The following ELP2 variants were observed in gnomAD, a reference collection of about 807,000 sequenced individuals.
The protein encoded by ELP2 is elongator complex protein 2.
A neutral mutation model predicts 119.2 loss-of-function variants in ELP2; 90 were observed. The ratio of observed to expected loss-of-function variants is 0.75; its 90% confidence interval spans 0.64 to 0.90. ELP2 has a LOEUF of 0.90. Ranked by LOEUF, ELP2 falls within the 40% of genes least tolerant of loss-of-function variation. The pLI is 0.00. For missense variants in ELP2, 921 were observed against 967.8 expected (o/e 0.95, Z 0.64); for synonymous variants, 339 against 331.0 (o/e 1.02, Z -0.26).
At chr18:36,150,987 G>A (rs1331672541) in intron 11 of ELP2, among the ~76,000 whole-genome samples, 1 of 151,748 alleles carries the variant, frequency 6.6e-6, no homozygotes, top group Non-Finnish European at 1.5e-5. Flanking sequence ...GCCAAGGGTT[G>A]AGCCAAAGGA....
At position 36,159,956 on chromosome 18, in the gene ELP2, A is replaced by T; in HGVS notation, c.1631-2A>T. ...GAAAAAAATAGCTTCAATTTATTCT[A>T]GAGCCTCCCACTGAGGATCATCTTC... On this transcript the variant is annotated splice_acceptor_variant, in intron 15 of 21. Transcript: ENST00000358232. LOFTEE classifies it high-confidence loss of function. 1 of 1,614,086 alleles carries T rather than the reference A, an allele frequency of 6.2e-7. No homozygotes were observed. Among genetic ancestry groups the T allele is most frequent in the South Asian group, 1.1e-5 (1 of 91,082 alleles).
chr18:36,142,998 A>G, intron 8 of ELP2, 32 bp downstream of exon 8: 1 of 1,500,302 alleles, frequency 6.7e-7, no homozygotes, highest in Non-Finnish European at 9.2e-7. Context: ...CAATATAACG[A>G]TACTTAGGTC....
intron 18 of ELP2, chr18:36,166,820 T>G (rs1332233060): frequency 4.2e-6 from 1 of 235,610 alleles, no homozygotes; most frequent in East Asian, 8.4e-5. Context: ...AGGCTTCTTC[T>G]GTAGGCGTGA....
At position 36,141,143 on chromosome 18, in the gene ELP2, T is replaced by C. The variant is rs770489833; in HGVS notation, c.530T>C (p.Ile177Thr). Reference sequence around the variant, plus strand: ...CTGTTTTTTCTTCCCCCAGTACCAATATTAGCATGTGGCAATGATGATTGC... The same window carrying C: ...CTGTTTTTTCTTCCCCCAGTACCAACATTAGCATGTGGCAATGATGATTGC... ...LSFLPNTDVPILACGNDDCRI... is the reference protein window; with the variant it reads ...LSFLPNTDVPTLACGNDDCRI... The change falls in exon 6 of 22, where the codon ATA (isoleucine) becomes ACA (threonine). Residue 177 changes from isoleucine to threonine, a missense_variant. Ile to Thr is a moderately conservative substitution (Grantham distance 89). Coordinates refer to ENST00000358232, the MANE Select transcript of ELP2 (RefSeq NM_018255.4). The C allele has an allele frequency of 3.1e-6, 5 of 1,613,672 alleles. No homozygotes were observed. The highest frequency in any genetic ancestry group is 4.2e-6 in the Non-Finnish European group (5 of 1,179,642).
chr18:36,144,155 C>T (rs1445406590), intron 8 of ELP2, among the ~76,000 whole-genome samples: 1 of 151,898 alleles, frequency 6.6e-6, no homozygotes, highest in East Asian at 1.9e-4. Context: ...ATTTTGGTAA[C>T]AGTTTTATGG....
chr18:36,156,438 T>A, intron 12 of ELP2, 28 bp from the exon 13 acceptor site: 2 of 1,610,444 alleles, frequency 1.2e-6, no homozygotes, highest in Non-Finnish European at 1.7e-6. Context: ...TTTTGAATGA[T>A]CATTTTTGTT....
intron 17 of ELP2, among the ~76,000 whole-genome samples, chr18:36,163,823 A>G (rs1392321966): frequency 1.3e-5 from 2 of 152,184 alleles, no homozygotes; most frequent in East Asian, 3.8e-4. Context: ...TGCCAGTACC[A>G]TACTCTGTTA....
In ELP2 at chr18:36,142,261, A is replaced by G. The variant is rs774294299; in HGVS notation, c.589-20A>G. On this transcript the variant is annotated intron_variant, in intron 6 of 21. Transcript: ENST00000358232. Reference sequence around the variant, plus strand: ...GATGTTAAATTCTTACATCAAGCCCAATGATTTTTATCTTACTAGTTTCAG... The same window carrying G: ...GATGTTAAATTCTTACATCAAGCCCGATGATTTTTATCTTACTAGTTTCAG... 4 of 1,607,916 alleles carry G rather than the reference A, an allele frequency of 2.5e-6. No individual in the cohort carries two copies. In the South Asian group the frequency reaches 3.3e-5, roughly 13 times the overall value.
At chr18:36,156,315 T>A in intron 12 of ELP2, 151 bp from the exon 13 acceptor site, 1 of 769,050 alleles carries the variant, frequency 1.3e-6, no homozygotes, top group Non-Finnish European at 2.2e-6. Flanking sequence ...TGGTAATTTT[T>A]ACCAATACTG....
At chr18:36,162,353 T>A (rs1016459742) in intron 17 of ELP2, among the ~76,000 whole-genome samples, 4 of 152,206 alleles carry the variant, frequency 2.6e-5, no homozygotes, top group Non-Finnish European at 5.9e-5. Context: ...CTTTCTTTCA[T>A]CATAATTGTT....
In ELP2 at chr18:36,136,271, G is replaced by A. The variant is rs201181836; in HGVS notation, c.218-36G>A. 1.2e-4 allele frequency: 181 copies of A among 1,509,284 alleles called. No homozygotes were observed. The African/African-American group carries it at 2.1e-3, about 17-fold the overall frequency. 93.5% of individuals were successfully genotyped at this position (1,509,284 alleles called of 1,614,324 possible). On this transcript the variant is annotated intron_variant, in intron 2 of 21. Coordinates refer to ENST00000358232, the MANE Select transcript of ELP2 (RefSeq NM_018255.4). ...AATTTTTAAAAATTGCAGAAAAAAT[G>A]AATAAAGATATTTACTGAGATATAA... is the stretch of plus-strand genomic sequence containing the variant.
intron 5 of ELP2, 74 bp from the exon 6 acceptor site, chr18:36,141,063 A>T: frequency 8.3e-7 from 1 of 1,212,028 alleles, no homozygotes; most frequent in East Asian, 2.3e-5. Flanking sequence ...AGAGCTTACA[A>T]TCCAGTACAG....
intron 11 of ELP2, among the ~76,000 whole-genome samples, chr18:36,150,749 C>T (rs1438797502): frequency 6.6e-6 from 1 of 152,176 alleles, no homozygotes; most frequent in Non-Finnish European, 1.5e-5. Context: ...GATTTACATG[C>T]TTTCTGTTTT....
Position 36,136,350 on chromosome 18 carries a change from G to A in ELP2, c.261G>A (p.Val87=). 1 of 1,612,148 alleles carries A rather than the reference G, an allele frequency of 6.2e-7. No homozygotes were observed. The highest frequency in any genetic ancestry group is 8.5e-7 in the Non-Finnish European group (1 of 1,178,220). Reference sequence around the variant, plus strand: ...TTTCTGGAGGATCTGATAATCAAGTGATTCACTGGGAAATAGAGGATAATC... The same window carrying A: ...TTTCTGGAGGATCTGATAATCAAGTAATTCACTGGGAAATAGAGGATAATC... ...ELVSGGSDNQ[V]IHWEIEDNQL... is the part of the protein sequence containing the mutation. Residue 87 remains valine (V), a synonymous_variant, in exon 3 of 22, where the codon GTG becomes GTA. Transcript: ENST00000358232.
In ELP2 at chr18:36,152,270, C is replaced by A. The variant is rs144867298; in HGVS notation, c.1126-2580C>A. Among the ~76,000 whole-genome samples the A allele has an allele frequency of 5.4e-3, 819 of 151,914 alleles. 6 individuals are homozygous for A. The highest frequency in any genetic ancestry group is 0.018 in the African/African-American group (755 of 41,464). On this transcript the variant is annotated intron_variant, in intron 11 of 21. Coordinates refer to ENST00000358232, the MANE Select transcript of ELP2 (RefSeq NM_018255.4). The stretch of plus-strand genomic sequence containing the variant: ...ATTTTATTCTTTGTTTCTTAATAAC[C>A]ATCTAAAGATTTCCACCCTGCCTTT...
Position 36,167,094 on chromosome 18 carries a change from C to A in ELP2, c.1955-7C>A. 1 of 1,595,740 alleles carries A rather than the reference C, an allele frequency of 6.3e-7. No homozygotes were observed. Among genetic ancestry groups the A allele is most frequent in the Non-Finnish European group, 8.5e-7 (1 of 1,171,910 alleles). ...CTTTGTGAATAGTGTATACATATTT[C>A]TTTCAGAGCCAGTTTTTAGTCTTTT... is the stretch of plus-strand genomic sequence containing the variant. On this transcript the variant is annotated splice_polypyrimidine_tract_variant and splice_region_variant and intron_variant, in intron 18 of 21. Coordinates refer to ENST00000358232, the MANE Select transcript of ELP2 (RefSeq NM_018255.4).
Position 36,174,734 on chromosome 18 carries a change from C to A in ELP2, c.*93C>A. 2.4e-6 allele frequency: 3 copies of A among 1,258,624 alleles called. No homozygotes were observed. The highest frequency in any genetic ancestry group is 3.3e-6 in the Non-Finnish European group (3 of 906,054). 78.0% of individuals were successfully genotyped at this position (1,258,624 alleles called of 1,614,324 possible). On this transcript the variant is annotated 3_prime_UTR_variant, in exon 22 of 22. Transcript: ENST00000358232. ...TTACCTTCATAACTGAATTGAGTTT[C>A]TGGGTTTTTTTTTTTTTTGAGATGG...
chr18:36,137,435 T>C (rs550567473), intron 3 of ELP2, among the ~76,000 whole-genome samples: 2 of 152,324 alleles, frequency 1.3e-5, no homozygotes, highest in Admixed American at 1.3e-4. Flanking sequence ...TCTTCTTTAG[T>C]GGCAGAATTC....
chr18:36,134,181 C>A (rs1025609576), intron 2 of ELP2, among the ~76,000 whole-genome samples: 1 of 151,998 alleles, frequency 6.6e-6, no homozygotes. Context: ...CTAGTTTGCA[C>A]CTTAATAACA....
Sources: allele counts gnomAD v4.1 joint callset (sites outside exome capture counted in the v4.1 genomes callset), GRCh38; gene constraint gnomAD v4.1.1; transcripts MANE v1.5; gene names NCBI Gene and HGNC (gene_info 2026-07-23, HGNC 2026-07-21).